ZNF91: variants seen among roughly 807,000 people sequenced by gnomAD.
ZNF91 encodes the protein zinc finger protein 91.
A neutral mutation model predicts 12.6 loss-of-function variants in ZNF91; 7 were observed. That is an observed-to-expected ratio of 0.55 (90% CI 0.31 to 1.04). The LOEUF is 1.04. Ranked by LOEUF, ZNF91 falls within the 50% of genes least tolerant of loss-of-function variation. The probability of loss-of-function intolerance (pLI) is 0.05; values close to 1 mark genes in which losing one functional copy is unlikely to be tolerated. For synonymous variants in ZNF91, 453 were observed against 462.6 expected (o/e 0.98, Z 0.27); for missense variants, 1,217 against 1,385.4 (o/e 0.88, Z 1.93).
intron 1 of ZNF91, chr19:23,327,275 C>T (rs890040421): frequency 2.0e-5 from 3 of 152,092 alleles, no homozygotes; most frequent in Non-Finnish European, 4.4e-5. Context: ...GGAGAACATA[C>T]TTTACCCTGA....
intron 3 of ZNF91, among the ~76,000 whole-genome samples, chr19:23,350,492 C>A (rs1968335818): frequency 1.3e-5 from 2 of 152,200 alleles, no homozygotes; most frequent in Non-Finnish European, 2.9e-5. Flanking sequence ...ACCCGTCTCT[C>A]AAGAATACCC....
downstream of ZNF91, among the ~76,000 whole-genome samples, chr19:23,357,473 T>C (rs1263221070): frequency 6.6e-6 from 1 of 152,182 alleles, no homozygotes; most frequent in African/African-American, 2.4e-5. Context: ...CTCCTTAAAA[T>C]GATTTTGTTC....
downstream of ZNF91, among the ~76,000 whole-genome samples, chr19:23,334,625 G>GTATT (rs1967973709): frequency 6.6e-6 from 1 of 152,102 alleles, no homozygotes; most frequent in Admixed American, 6.5e-5. Flanking sequence ...TTCCCTAATT[G>GTATT]TATTTACTAA....
chr19:23,312,017 C>T (rs1162685384), upstream of ZNF91, among the ~76,000 whole-genome samples: 1 of 152,056 alleles, frequency 6.6e-6, no homozygotes, highest in Non-Finnish European at 1.5e-5. Flanking sequence ...GGCCCAGCAA[C>T]CAGGTGAAGA....
chr19:23,377,924 G>A (rs1298104259), intron 1 of ZNF91, among the ~76,000 whole-genome samples: 1 of 151,390 alleles, frequency 6.6e-6, no homozygotes, highest in Non-Finnish European at 1.5e-5. Context: ...TTAGAATAAG[G>A]ATCCAGCATT....
intron 1 of ZNF91, chr19:23,384,779 T>A (rs1969821625): frequency 1.5e-6 from 1 of 645,940 alleles, no homozygotes; most frequent in Non-Finnish European, 2.9e-6. Context: ...CATAGTAAGT[T>A]CTTCCGGGCC....
intron 3 of ZNF91, among the ~76,000 whole-genome samples, chr19:23,373,058 G>A (rs1022327599): frequency 5.3e-5 from 8 of 152,080 alleles, no homozygotes; most frequent in African/African-American, 1.9e-4. Context: ...GCAGACTTAA[G>A]ACCAAGCTAC....
At chr19:23,313,633 T>C (rs1967506475), upstream of ZNF91, among the ~76,000 whole-genome samples, 1 of 152,208 alleles carries the variant, frequency 6.6e-6, no homozygotes. Context: ...GGTGAGATTG[T>C]GACACTCTTA....
At chr19:23,374,570 A>AAAG (rs1334246756) in intron 2 of ZNF91, 68 bp downstream of exon 2, 5 of 1,407,546 alleles carry the variant, frequency 3.6e-6, no homozygotes, top group Non-Finnish European at 3.8e-6. Flanking sequence ...AAAAAAAAAA[A>AAAG]AAAAAAAAAA....
intron 1 of ZNF91, chr19:23,327,810 A>G (rs922767871): frequency 6.6e-6 from 1 of 152,218 alleles, no homozygotes; most frequent in African/African-American, 2.4e-5. Flanking sequence ...GGTTAAATCT[A>G]TATGTATTTG....
chr19:23,341,987 T>G (rs1451460822), intron 3 of ZNF91, among the ~76,000 whole-genome samples: 2 of 152,196 alleles, frequency 1.3e-5, no homozygotes, highest in Non-Finnish European at 2.9e-5. Flanking sequence ...GGAAGTAGGA[T>G]CCTTAAAGAA....
downstream of ZNF91, among the ~76,000 whole-genome samples, chr19:23,335,792 C>T (rs1967997377): frequency 6.6e-6 from 1 of 152,120 alleles, no homozygotes; most frequent in Non-Finnish European, 1.5e-5. Flanking sequence ...TGATGCCCTA[C>T]CCTGCTTCAG....
At chr19:23,390,170 G>T (rs1970012729) in intron 1 of ZNF91, among the ~76,000 whole-genome samples, 1 of 152,098 alleles carries the variant, frequency 6.6e-6, no homozygotes, top group African/African-American at 2.4e-5. Context: ...TGCAAAATTA[G>T]CCAGGCATGG....
chr19:23,345,805 C>T (rs1382459066), intron 3 of ZNF91, among the ~76,000 whole-genome samples: 5 of 152,054 alleles, frequency 3.3e-5, no homozygotes, highest in South Asian at 2.1e-4. Context: ...TTTCCTATAT[C>T]GTCCCCTCCT....
chr19:23,374,388 C>CAAAA (rs34706703), intron 2 of ZNF91, among the ~76,000 whole-genome samples: 1 of 88,228 alleles, frequency 1.1e-5, no homozygotes, highest in Admixed American at 1.3e-4. Context: ...CTAAAAATAC[C>CAAAA]AAAAAAAAAA....
Position 23,395,444 on chromosome 19 carries a change from C to A in ZNF91, c.-90G>T, listed in dbSNP as rs1329607019. On this transcript the variant is annotated 5_prime_UTR_variant, in exon 1 of 4. Transcript: ENST00000300619. ...AGGACACAGAGCAGTGAAGTCGAGACCTGGAAACTCCGGCGGCAGCGAGAG... is the reference window on the plus strand; with the variant it reads ...AGGACACAGAGCAGTGAAGTCGAGAACTGGAAACTCCGGCGGCAGCGAGAG... 2.7e-6 allele frequency: 4 copies of A among 1,492,970 alleles called. No homozygotes were observed. The highest frequency in any genetic ancestry group is 2.8e-5 in the African/African-American group (2 of 70,766). 92.5% of individuals were successfully genotyped at this position (1,492,970 alleles called of 1,614,324 possible).
At chr19:23,347,031 C>A (rs1191616599) in intron 3 of ZNF91, among the ~76,000 whole-genome samples, 2 of 152,040 alleles carry the variant, frequency 1.3e-5, no homozygotes, top group Admixed American at 1.3e-4. Flanking sequence ...CCAACCCCTT[C>A]CAGATGCCTC....
intron 3 of ZNF91, among the ~76,000 whole-genome samples, chr19:23,373,346 T>TTA (rs200251921): frequency 0.041 from 3,500 of 85,144 alleles, 39 homozygotes; most frequent in Non-Finnish European, 0.048. Context: ...TCATGTAATC[T>TTA]TATATATATA....
chr19:23,366,629 G>A (rs537427031), intron 3 of ZNF91, among the ~76,000 whole-genome samples: 8 of 152,194 alleles, frequency 5.3e-5, no homozygotes, highest in South Asian at 2.1e-4. Flanking sequence ...GGTTGAAGGC[G>A]AAGATTAACT....
Sources: gnomAD v4.1 joint callset for allele counts (sites outside exome capture counted in the v4.1 genomes callset) on GRCh38, gnomAD v4.1.1 for gene constraint, MANE v1.5 for transcripts, NCBI Gene and HGNC (gene_info 2026-07-23, HGNC 2026-07-21) for gene names.